Variants in IGDCC4 observed in about 807,000 individuals in gnomAD.
IGDCC4 encodes the protein immunoglobulin superfamily DCC subclass member 4, also known as likely ortholog of mouse neighbor of Punc E11.
In IGDCC4, 72 loss-of-function variants were observed where a neutral mutation model predicts 116.6. That is an observed-to-expected ratio of 0.62 (90% CI 0.51 to 0.75). The LOEUF is 0.75. Among genes scored for constraint, IGDCC4 ranks in the 30% least tolerant of loss-of-function variants. The pLI, the probability that IGDCC4 is intolerant of heterozygous loss-of-function variation, is 0.00. For missense variants in IGDCC4, 1,501 were observed against 1,662.4 expected (o/e 0.90, Z 1.69); for synonymous variants, 709 against 719.9 (o/e 0.98, Z 0.24).
In IGDCC4 at chr15:65,381,515, A is replaced by G. The variant is rs907441430; in HGVS notation, c.*2494T>C. On this transcript the variant is annotated 3_prime_UTR_variant, in exon 20 of 20. Transcript: ENST00000352385. ...GAAAATAGTTTATTAATTCATTATA[A>G]GGACAGATACATGAATCAATGCCTT... 1 of 152,262 alleles carries G rather than the reference A, an allele frequency of 6.6e-6. No homozygotes were observed. Among genetic ancestry groups the G allele is most frequent in the African/African-American group, 2.4e-5 (1 of 41,466 alleles). 9.4% of individuals were successfully genotyped at this position (152,262 alleles called of 1,614,324 possible). A position where few individuals can be genotyped will look rare whatever the true frequency, so the allele number is the denominator to read the frequency against.
chr15:65,393,753 G>A lies in IGDCC4; in HGVS notation c.1715-222C>T, dbSNP rs953401113. On this transcript the variant is annotated intron_variant, in intron 9 of 19. Transcript: ENST00000352385. This position sits in a 1 kb window ranked among gnomAD's most constrained non-coding sequence, Gnocchi z 4.6. ...GATGCAGGCCATCAGCCTGGGCTCA[G>A]CTGCAGGGAGAATGATGGCAGGCTT... Among the ~76,000 whole-genome samples the A allele has an allele frequency of 4.6e-5, 7 of 152,294 alleles. No homozygotes were observed. The highest frequency in any genetic ancestry group is 1.7e-4 in the African/African-American group (7 of 41,570).
intron 1 of IGDCC4, among the ~76,000 whole-genome samples, chr15:65,421,674 C>A (rs1434765861): frequency 6.7e-6 from 1 of 149,576 alleles, no homozygotes; most frequent in African/African-American, 2.4e-5. Flanking sequence ...AAATCCCCCT[C>A]CCCACCCCCA....
chr15:65,420,429 C>T (rs2063180131), intron 1 of IGDCC4, among the ~76,000 whole-genome samples: 1 of 152,170 alleles, frequency 6.6e-6, no homozygotes, highest in African/African-American at 2.4e-5. Context: ...CTGGAGCTTC[C>T]TGCCTCCAGC....
chr15:65,406,444 TC>T (rs1271753206), intron 3 of IGDCC4, among the ~76,000 whole-genome samples: 1 of 152,214 alleles, frequency 6.6e-6, no homozygotes, highest in East Asian at 1.9e-4. Context: ...CCCTAGATTA[TC>T]CCCTATTATT....
chr15:65,388,020 C>T (rs1226429860), intron 16 of IGDCC4, among the ~76,000 whole-genome samples: 1 of 151,824 alleles, frequency 6.6e-6, no homozygotes, highest in African/African-American at 2.4e-5. Flanking sequence ...CCAAGGTAGG[C>T]AGATCACGAG....
At chr15:65,389,156 C>T in intron 14 of IGDCC4, 128 bp downstream of exon 14, 3 of 1,337,446 alleles carry the variant, frequency 2.2e-6, no homozygotes, top group Admixed American at 2.6e-5. Flanking sequence ...ACATTCCTCC[C>T]CTCCCAGAAA....
intron 1 of IGDCC4, among the ~76,000 whole-genome samples, chr15:65,420,126 T>C (rs1567096732): frequency 6.6e-6 from 1 of 152,126 alleles, no homozygotes; most frequent in Non-Finnish European, 1.5e-5. Flanking sequence ...TTTGTATTTT[T>C]AGTAGAGATG....
rs1477250673 is a variant in IGDCC4, at chr15:65,396,843, G to A, written c.988C>T (p.Arg330Cys). ...CTTCGGCCCGCCTCACCCAGCACAC[G>A]GAGCTCAGCGGCTGCAGTGGCGAAG... The part of the protein sequence containing the change: ...RDFATAAAEL[R>C]VLAAPAITQA... The change falls in exon 6 of 20, where the codon CGT (arginine) becomes TGT (cysteine). Residue 330 changes from arginine to cysteine, a missense_variant. This residue lies in a region of IGDCC4 where 898 missense variants were observed against 978.9 expected (regional missense o/e 0.92). Transcript: ENST00000352385. 1.1e-5 allele frequency: 18 copies of A among 1,571,832 alleles called. No homozygotes were observed. The highest frequency in any genetic ancestry group is 3.7e-5 in the Admixed American group (2 of 53,848).
At chr15:65,388,306 A>G in intron 16 of IGDCC4, 143 bp downstream of exon 16, 1 of 1,127,398 alleles carries the variant, frequency 8.9e-7, no homozygotes, top group Non-Finnish European at 1.3e-6. Flanking sequence ...TTATCACTGA[A>G]CCACACCTAT....
In IGDCC4 at chr15:65,384,393, T is replaced by C; in HGVS notation, c.3369A>G (p.Pro1123=). The C allele has an allele frequency of 6.6e-7, 1 of 1,521,108 alleles. No individual in the cohort carries two copies. 94.2% of individuals were successfully genotyped at this position (1,521,108 alleles called of 1,614,324 possible). ...CAGCCTCCACCTGGTTCCTGCAGGCTGGGGGTGACTTCTTCCTCCCATTGC... is the reference window on the plus strand; with the variant it reads ...CAGCCTCCACCTGGTTCCTGCAGGCCGGGGGTGACTTCTTCCTCCCATTGC... The part of the protein sequence containing the change: ...IKGNGRKKSP[P]ACRNQVEAEV... Residue 1123 remains proline (P), a synonymous_variant, in exon 20 of 20, where the codon CCA becomes CCG. Coordinates refer to ENST00000352385, the MANE Select transcript of IGDCC4 (RefSeq NM_020962.3). The surrounding 1 kb of genome is among the most constrained non-coding windows in gnomAD (Gnocchi z 4.9).
At chr15:65,401,488 G>A (rs774369328) in intron 4 of IGDCC4, among the ~76,000 whole-genome samples, 1 of 152,180 alleles carries the variant, frequency 6.6e-6, no homozygotes, top group African/African-American at 2.4e-5. Context: ...TGAATATCTG[G>A]ATTGTCCAGC....
intron 3 of IGDCC4, among the ~76,000 whole-genome samples, chr15:65,406,237 A>G (rs375714246): frequency 1.3e-5 from 2 of 152,226 alleles, no homozygotes; most frequent in Non-Finnish European, 2.9e-5. Flanking sequence ...CTGGTTTTCC[A>G]TTTTATTGCA....
Position 65,411,144 on chromosome 15 carries a change from T to C in IGDCC4, c.297A>G (p.Leu99=). 6.2e-7 allele frequency: 1 copy of C among 1,614,192 alleles called. No homozygotes were observed. Residue 99 remains leucine, a synonymous_variant, in exon 2 of 20, where the codon CTA becomes CTG. Transcript: ENST00000352385. ...PNGSLWLSQP[L]APNGSDESVP... ...CTGACTCGTCACTGCCATTGGGTGCTAGTGGCTGGGACAGCCACAGGGAAC... is the reference window on the plus strand; with the variant it reads ...CTGACTCGTCACTGCCATTGGGTGCCAGTGGCTGGGACAGCCACAGGGAAC...
At chr15:65,389,225 G>A in intron 14 of IGDCC4, 59 bp downstream of exon 14, 1 of 1,593,178 alleles carries the variant, frequency 6.3e-7, no homozygotes, top group Admixed American at 1.8e-5. Context: ...TCTTGCTGCT[G>A]GGGCAAGAAG....
chr15:65,411,345 C>G lies in IGDCC4; in HGVS notation c.96G>C (p.Thr32=). ...CCACTCCACAGCTCAGCTCCACAGT[C>G]GTCTCCTGGGGCAACAGCAGCTCCC... ...ARGELLLPQE[T]TVELSCGVGP... The change falls in exon 2 of 20, where the codon ACG becomes ACC. Residue 32 remains threonine (T), a synonymous_variant. Coordinates refer to ENST00000352385, the MANE Select transcript of IGDCC4 (RefSeq NM_020962.3). 1 of 1,584,442 alleles carries G rather than the reference C, an allele frequency of 6.3e-7. No homozygotes were observed.
intron 13 of IGDCC4, among the ~76,000 whole-genome samples, 196 bp downstream of exon 13, chr15:65,389,959 C>T (rs1208887684): frequency 1.3e-5 from 2 of 152,174 alleles, no homozygotes; most frequent in Non-Finnish European, 2.9e-5. Flanking sequence ...GGATGGCCTC[C>T]TTGCTACCAT....
chr15:65,390,850 T>A (rs183674604), intron 12 of IGDCC4, among the ~76,000 whole-genome samples: 1 of 152,228 alleles, frequency 6.6e-6, no homozygotes, highest in East Asian at 1.9e-4. Flanking sequence ...AGAACCTTAT[T>A]TGTGTTGTCC....
chr15:65,387,418 G>A (rs149836628), intron 16 of IGDCC4, among the ~76,000 whole-genome samples: 148 of 152,154 alleles, frequency 9.7e-4, no homozygotes, highest in African/African-American at 3.4e-3. Context: ...GCATGATCTC[G>A]GCTCACTGCA....
chr15:65,394,867 C>A (rs1306314892), intron 8 of IGDCC4, among the ~76,000 whole-genome samples: 1 of 152,188 alleles, frequency 6.6e-6, no homozygotes, highest in Non-Finnish European at 1.5e-5. Context: ...CAGACCTGGG[C>A]TTAAGTCCCA....
Sources: allele counts gnomAD v4.1 joint callset (sites outside exome capture counted in the v4.1 genomes callset), GRCh38; gene constraint gnomAD v4.1.1; regional missense constraint gnomAD v4.1.1; non-coding constraint Gnocchi (gnomAD v3.1); transcripts MANE v1.5; gene names NCBI Gene and HGNC (gene_info 2026-07-23, HGNC 2026-07-21).